Variants in VANGL1 observed in about 807,000 individuals in gnomAD.
The protein encoded by VANGL1 is vang-like protein 1.
In VANGL1, 18 loss-of-function variants were observed where a neutral mutation model predicts 48.4. That is an observed-to-expected ratio of 0.37 (90% CI 0.26 to 0.55). VANGL1 has a LOEUF of 0.55. Ranked by LOEUF, VANGL1 falls within the 20% of genes least tolerant of loss-of-function variation. The probability of loss-of-function intolerance (pLI) is 0.81; values close to 1 mark genes in which losing one functional copy is unlikely to be tolerated. For missense variants in VANGL1, 667 were observed against 675.8 expected (o/e 0.99, Z 0.14); for synonymous variants, 257 against 261.8 (o/e 0.98, Z 0.18).
At chr1:115,675,210 G>C (rs1040908421) in intron 4 of VANGL1, among the ~76,000 whole-genome samples, 4 of 152,150 alleles carry the variant, frequency 2.6e-5, no homozygotes, top group African/African-American at 4.8e-5. Context: ...AAAAAGAATT[G>C]TTATATGGCT....
chr1:115,673,226 G>A (rs757001825), intron 4 of VANGL1, among the ~76,000 whole-genome samples: 7 of 152,058 alleles, frequency 4.6e-5, no homozygotes, highest in East Asian at 1.9e-4. Flanking sequence ...CCTTCCTCCC[G>A]TTCTCTCACG....
intron 2 of VANGL1, among the ~76,000 whole-genome samples, chr1:115,657,337 A>G (rs558572218): frequency 3.3e-5 from 5 of 152,314 alleles, no homozygotes; most frequent in East Asian, 3.9e-4. Flanking sequence ...ACGGTGCACC[A>G]TAGTAGGTGT....
At chr1:115,681,503 GTTTTTT>G (rs368388367) in intron 4 of VANGL1, among the ~76,000 whole-genome samples, 2 of 114,872 alleles carry the variant, frequency 1.7e-5, no homozygotes, top group Admixed American at 9.3e-5. Context: ...TTTTTTTGTT[GTTTTTT>G]TTGTTTTTTT....
intron 2 of VANGL1, among the ~76,000 whole-genome samples, chr1:115,653,802 T>C (rs1652242141): frequency 6.6e-6 from 1 of 152,200 alleles, no homozygotes; most frequent in Non-Finnish European, 1.5e-5. Context: ...AGCTGAGTCT[T>C]TTAATCAATT....
rs1284235557 is a variant in VANGL1, at chr1:115,698,052, T to C, written c.*6673T>C. The C allele has an allele frequency of 6.6e-6, 1 of 152,228 alleles. No homozygotes were observed. Among genetic ancestry groups the C allele is most frequent in the African/African-American group, 2.4e-5 (1 of 41,460 alleles). The allele number at this position is 152,228 out of a possible 1,614,324, so 9.4% of individuals were successfully genotyped here. A position where few individuals can be genotyped will look rare whatever the true frequency, so the allele number is the denominator to read the frequency against. The stretch of plus-strand genomic sequence containing the variant: ...TATGAAACTTCTTCTCATTGTGATG[T>C]CAGTAACAGAGTTAGTGTCTCTGAT... On this transcript the variant is annotated 3_prime_UTR_variant, in exon 8 of 8. Transcript: ENST00000355485.
intron 2 of VANGL1, among the ~76,000 whole-genome samples, chr1:115,652,765 A>G (rs1389977298): frequency 6.6e-6 from 1 of 152,160 alleles, no homozygotes; most frequent in African/African-American, 2.4e-5. Context: ...ATATCTAATT[A>G]TTTACAAGCC....
chr1:115,687,308 T>C (rs1322810000), intron 7 of VANGL1, among the ~76,000 whole-genome samples: 1 of 138,960 alleles, frequency 7.2e-6, no homozygotes, highest in South Asian at 2.4e-4. Context: ...TGAAAGAATC[T>C]GTTAGAATAG....
chr1:115,643,715 A>T (rs1651817605), intron 1 of VANGL1, among the ~76,000 whole-genome samples: 2 of 152,218 alleles, frequency 1.3e-5, no homozygotes, highest in African/African-American at 4.8e-5. Flanking sequence ...TGTCTTATGT[A>T]TTAAGCAACA....
At chr1:115,651,195 G>A (rs772420429) in intron 1 of VANGL1, 82 bp from the exon 2 acceptor site, 1 of 561,176 alleles carries the variant, frequency 1.8e-6, no homozygotes, top group Non-Finnish European at 3.2e-6. Context: ...CAGAGAGGAG[G>A]TGTGGCTTTG....
Position 115,663,967 on chromosome 1 carries a change from T to C in VANGL1, c.511T>C (p.Phe171Leu). ...TCTGCTCATAGGGACCTGGGCACTT[T>C]TTTTCCGCAAGCGGAGAGCTGACAT... ...LILLIGTWALFFRKRRADMPR... is the reference protein window; with the variant it reads ...LILLIGTWALLFRKRRADMPR... Residue 171 changes from phenylalanine (F) to leucine (L), a missense_variant, in exon 4 of 8, where the codon TTT (phenylalanine) becomes CTT (leucine). By Grantham distance (22) the Phe-to-Leu change is conservative. Coordinates refer to ENST00000355485, the MANE Select transcript of VANGL1 (RefSeq NM_138959.3). 1 of 1,614,226 alleles carries C rather than the reference T, an allele frequency of 6.2e-7. No homozygotes were observed. The highest frequency in any genetic ancestry group is 8.5e-7 in the Non-Finnish European group (1 of 1,180,040).
chr1:115,666,929 T>C (rs12043786), intron 4 of VANGL1, among the ~76,000 whole-genome samples: 17,091 of 152,246 alleles, frequency 0.11, 1,139 homozygotes, highest in South Asian at 0.16. Flanking sequence ...CTGCCGATCC[T>C]TGGGCTAAAT....
chr1:115,690,742 G>A (rs1031409029), intron 7 of VANGL1, among the ~76,000 whole-genome samples: 1 of 152,206 alleles, frequency 6.6e-6, no homozygotes, highest in Non-Finnish European at 1.5e-5. Context: ...AGAAACTTTT[G>A]GTTCAGGAGG....
Position 115,663,757 on chromosome 1 carries a change from G to C in VANGL1, c.301G>C (p.Asp101His). The change falls in exon 4 of 8, where the codon GAC (aspartate) becomes CAC (histidine). Residue 101 changes from aspartate to histidine, a missense_variant. Transcript: ENST00000355485. ...DIARISKDME[D>H]SVGLDCKRYL... ...TGCCAGGATCAGCAAGGACATGGAG[G>C]ACAGCGTGGGGCTGGATTGCAAACG... 6.2e-7 allele frequency: 1 copy of C among 1,614,216 alleles called. No homozygotes were observed. The highest frequency in any genetic ancestry group is 8.5e-7 in the Non-Finnish European group (1 of 1,180,052).
intron 7 of VANGL1, among the ~76,000 whole-genome samples, chr1:115,685,753 T>A (rs529828758): frequency 1.3e-5 from 2 of 152,238 alleles, no homozygotes; most frequent in East Asian, 3.9e-4. Context: ...AGAATTTCGC[T>A]TGGAGGACAG....
At chr1:115,675,361 C>T (rs1020342940) in intron 4 of VANGL1, among the ~76,000 whole-genome samples, 3 of 152,076 alleles carry the variant, frequency 2.0e-5, no homozygotes, top group Non-Finnish European at 2.9e-5. Context: ...ATGAGCCAGG[C>T]GTGGTGGCAT....
At chr1:115,671,675 A>G (rs1435907158) in intron 4 of VANGL1, among the ~76,000 whole-genome samples, 10 of 152,206 alleles carry the variant, frequency 6.6e-5, no homozygotes, top group Non-Finnish European at 1.5e-5. Context: ...CATCCCAGGC[A>G]GGGGAGGCGC....
intron 3 of VANGL1, among the ~76,000 whole-genome samples, chr1:115,663,225 T>A (rs1299355804): frequency 1.3e-5 from 2 of 152,218 alleles, no homozygotes; most frequent in Non-Finnish European, 2.9e-5. Context: ...AAGTTGGACT[T>A]CGTAAGCCTT....
chr1:115,669,191 C>A (rs2101011879), intron 4 of VANGL1, among the ~76,000 whole-genome samples: 1 of 152,208 alleles, frequency 6.6e-6, no homozygotes, highest in Middle Eastern at 3.4e-3. Flanking sequence ...TAGTCATCAA[C>A]AAGGAGGGAG....
intron 4 of VANGL1, among the ~76,000 whole-genome samples, chr1:115,679,607 G>A (rs904946607): frequency 5.3e-5 from 8 of 152,208 alleles, no homozygotes; most frequent in African/African-American, 1.7e-4. Flanking sequence ...CAGCCAGGAG[G>A]CTCCGACCCA....
Sources: allele counts gnomAD v4.1 joint callset (sites outside exome capture counted in the v4.1 genomes callset), GRCh38; gene constraint gnomAD v4.1.1; transcripts MANE v1.5; gene names NCBI Gene and HGNC (gene_info 2026-07-23, HGNC 2026-07-21).